Variants in SMARCA2 observed in about 807,000 individuals in gnomAD.
SMARCA2 encodes the protein SWI/SNF-related matrix-associated actin-dependent regulator of chromatin subfamily A member 2.
A neutral mutation model predicts 199.8 loss-of-function variants in SMARCA2; 61 were observed. The ratio of observed to expected loss-of-function variants is 0.31; its 90% CI spans 0.25 to 0.38. The LOEUF (loss-of-function observed/expected upper bound fraction) is 0.38, where lower values mean the gene tolerates loss of function less well. SMARCA2 is among the 10% of genes least tolerant of loss of function. The pLI is 1.00. For missense variants in SMARCA2, 1,344 were observed against 2,012.2 expected, an observed-to-expected ratio of 0.67 and a Z score of 6.35; for synonymous variants, 935 against 732.0, an observed-to-expected ratio of 1.28 and a Z score of -4.48.
chr9:2,103,433 T>G (rs759745821), intron 22 of SMARCA2, among the ~76,000 whole-genome samples: 9 of 152,238 alleles, frequency 5.9e-5, no homozygotes, highest in Non-Finnish European at 1.3e-4. Flanking sequence ...GTTATTTTAA[T>G]AGTATTTATT....
intron 31 of SMARCA2, among the ~76,000 whole-genome samples, chr9:2,183,711 C>G (rs1827220857): frequency 6.6e-6 from 1 of 152,104 alleles, no homozygotes; most frequent in African/African-American, 2.4e-5. Flanking sequence ...AGTATCTTGA[C>G]CAAAACAGGA....
In SMARCA2 at chr9:2,116,870, G is replaced by C. The variant is rs561807127; in HGVS notation, c.3684+821G>C. ...TGTGTGCCCATACTTACAAATTGAA[G>C]AGTAAGTCTACCTTACATATTCATG... On this transcript the variant is annotated intron_variant, in intron 25 of 33. Coordinates refer to ENST00000349721, the MANE Select transcript of SMARCA2 (RefSeq NM_003070.5). Among the ~76,000 whole-genome samples the C allele has an allele frequency of 1.6e-4, 24 of 152,306 alleles. 1 individual carries two copies. In the South Asian group the frequency reaches 5.0e-3, roughly 32 times the overall value.
chr9:2,072,973 A>G (rs2130425234), intron 10 of SMARCA2: 2 of 472,246 alleles, frequency 4.2e-6, no homozygotes, highest in South Asian at 5.3e-5. Flanking sequence ...TTGGTGATGT[A>G]TCTGGTTGCT....
chr9:2,158,986 C>G (rs768356406), intron 27 of SMARCA2: 4 of 1,611,946 alleles, frequency 2.5e-6, no homozygotes, highest in African/African-American at 1.3e-5. Flanking sequence ...ATGGTCAGTA[C>G]TTTGTGTGTT....
At chr9:2,024,713 A>G (rs1818752196) in intron 1 of SMARCA2, among the ~76,000 whole-genome samples, 1 of 152,124 alleles carries the variant, frequency 6.6e-6, no homozygotes, top group African/African-American at 2.4e-5. Context: ...TGGTGGAAAC[A>G]TGGCTTGCTA....
chr9:2,050,405 TAG>T lies in SMARCA2; in HGVS notation c.1046+2923_1046+2924del, dbSNP rs1263525981. ...AACTTCGCTTTCTTCTATTTAGAGT[TAG>T]ATGTCTGATCAAAAGTACCTCAGGA... On this transcript the variant is annotated intron_variant, in intron 5 of 33. Coordinates refer to ENST00000349721, the MANE Select transcript of SMARCA2 (RefSeq NM_003070.5). Among the ~76,000 whole-genome samples the T allele has an allele frequency of 3.3e-5, 5 of 152,134 alleles. No individual in the cohort carries two copies. In the East Asian group the frequency reaches 9.6e-4, roughly 29 times the overall value.
At chr9:2,035,537 A>C (rs114625206) in intron 3 of SMARCA2, among the ~76,000 whole-genome samples, 1 of 152,288 alleles carries the variant, frequency 6.6e-6, no homozygotes, top group African/African-American at 2.4e-5. Context: ...TTCTGTGATC[A>C]CTTGGCTCCC....
rs751197799 is a variant in SMARCA2, at chr9:2,032,982, G to A, written c.256G>A (p.Val86Ile). The A allele has an allele frequency of 2.5e-6, 4 of 1,613,666 alleles. No individual in the cohort carries two copies. Among genetic ancestry groups the A allele is most frequent in the Non-Finnish European group, 3.4e-6 (4 of 1,179,670 alleles). Residue 86 changes from valine (V) to isoleucine (I), a missense_variant, in exon 3 of 34, where the codon GTA becomes ATA. By Grantham distance (29) the Val-to-Ile change is conservative (BLOSUM62 3). Transcript: ENST00000349721. ...PIDGIHDKGI[V>I]EDIHCGSMKG... The stretch of plus-strand genomic sequence containing the variant: ...CGATGGTATACATGACAAGGGGATT[G>A]TAGAAGACATCCATTGTGGATCCAT...
intron 25 of SMARCA2, among the ~76,000 whole-genome samples, chr9:2,118,052 A>G (rs1823288091): frequency 6.6e-6 from 1 of 152,224 alleles, no homozygotes. Flanking sequence ...ATAAACAGGC[A>G]CTTTACAAGA....
intron 23 of SMARCA2, among the ~76,000 whole-genome samples, chr9:2,109,527 C>G (rs1018442558): frequency 1.3e-5 from 2 of 152,246 alleles, no homozygotes; most frequent in East Asian, 3.9e-4. Flanking sequence ...GCAAACCACC[C>G]CCAAGTATTT....
intron 14 of SMARCA2, among the ~76,000 whole-genome samples, chr9:2,079,589 G>A (rs1490514339): frequency 6.6e-6 from 1 of 150,688 alleles, no homozygotes; most frequent in Non-Finnish European, 1.5e-5. Flanking sequence ...TTTTGACCTC[G>A]TGGATCTCCT....
intron 29 of SMARCA2, among the ~76,000 whole-genome samples, chr9:2,178,036 C>T (rs2129827563): frequency 6.6e-6 from 1 of 151,614 alleles, no homozygotes; most frequent in African/African-American, 2.4e-5. Context: ...AAAAACGGTT[C>T]CCAGATGAAG....
chr9:2,102,228 C>T (rs962504846), intron 22 of SMARCA2, among the ~76,000 whole-genome samples: 2 of 151,924 alleles, frequency 1.3e-5, no homozygotes, highest in Admixed American at 6.6e-5. Context: ...ATCCCAAGGG[C>T]GGACAGTTTC....
At chr9:2,021,522 G>C (rs1204834221) in intron 1 of SMARCA2, among the ~76,000 whole-genome samples, 1 of 152,178 alleles carries the variant, frequency 6.6e-6, no homozygotes, top group Non-Finnish European at 1.5e-5. Context: ...CCCACTGGGA[G>C]ATGCTTTATC....
At chr9:2,068,423 T>C (rs1009400306) in intron 9 of SMARCA2, among the ~76,000 whole-genome samples, 3 of 152,230 alleles carry the variant, frequency 2.0e-5, no homozygotes, top group Non-Finnish European at 4.4e-5. Context: ...ACATGTATTT[T>C]TGGTAAAAAT....
At position 2,155,594 on chromosome 9, in the gene SMARCA2, C is replaced by T. The variant is rs1825315510; in HGVS notation, c.3982-6092C>T. 2.6e-5 allele frequency among the ~76,000 whole-genome samples: 4 copies of T among 152,042 alleles called. No homozygotes were observed. In the South Asian group the frequency reaches 8.3e-4, roughly 32 times the overall value. Reference sequence around the variant, plus strand: ...CTGCGCGGGGGCATTTTCGTTTTTCCAACCAAATTGCTTTTAACTAAAATA... The same window carrying T: ...CTGCGCGGGGGCATTTTCGTTTTTCTAACCAAATTGCTTTTAACTAAAATA... On this transcript the variant is annotated intron_variant, in intron 27 of 33. Transcript: ENST00000349721.
chr9:2,066,883 A>G (rs1358498318), intron 9 of SMARCA2, among the ~76,000 whole-genome samples: 1 of 152,252 alleles, frequency 6.6e-6, no homozygotes, highest in Non-Finnish European at 1.5e-5. Flanking sequence ...CAGTAGACCA[A>G]TCACAAACTC....
At chr9:2,070,704 A>G (rs1280968735) in intron 10 of SMARCA2, among the ~76,000 whole-genome samples, 1 of 152,382 alleles carries the variant, frequency 6.6e-6, no homozygotes, top group South Asian at 2.1e-4. Context: ...CTTGCATAGT[A>G]TTTCAGAATT....
chr9:2,159,002 G>C (rs753647384), intron 27 of SMARCA2: 1 of 1,611,126 alleles, frequency 6.2e-7, no homozygotes, highest in Admixed American at 1.7e-5. Flanking sequence ...GTGTTTCCTT[G>C]TAATTCCAAA....
Sources: gnomAD v4.1 joint callset for allele counts (sites outside exome capture counted in the v4.1 genomes callset) on GRCh38, gnomAD v4.1.1 for gene constraint, MANE v1.5 for transcripts, NCBI Gene and HGNC (gene_info 2026-07-23, HGNC 2026-07-21) for gene names.